The following ZNF155 variants were observed in gnomAD, a reference collection of about 807,000 sequenced individuals.
ZNF155 encodes KRAB A domain.
Under a neutral mutation model 11.9 loss-of-function variants are expected in ZNF155, and 15 were observed. The observed-to-expected ratio is 1.26, with a 90% CI of 0.84 to 1.94. ZNF155 has a LOEUF of 1.94. ZNF155 is among the 30% of genes most tolerant of loss of function. The pLI is 0.00. For synonymous variants in ZNF155, 212 were observed against 219.9 expected (o/e 0.96, Z 0.32); for missense variants, 602 against 639.1 (o/e 0.94, Z 0.63).
chr19:43,991,224 G>A (rs1975649401), intron 2 of ZNF155, among the ~76,000 whole-genome samples: 1 of 152,136 alleles, frequency 6.6e-6, no homozygotes, highest in South Asian at 2.1e-4. Context: ...ATGTTGCTGG[G>A]GCAGTTGGCA....
chr19:43,991,441 C>G (rs1975660870), intron 2 of ZNF155, 107 bp from the exon 3 acceptor site: 1 of 1,564,596 alleles, frequency 6.4e-7, no homozygotes, highest in Non-Finnish European at 8.7e-7. Context: ...CTACATCCCT[C>G]AATACTGAGA....
intron 1 of ZNF155, among the ~76,000 whole-genome samples, chr19:43,985,728 G>C (rs1229347385): frequency 1.3e-5 from 2 of 151,968 alleles, no homozygotes; most frequent in Non-Finnish European, 2.9e-5. Context: ...TTTTAGTAAA[G>C]ATGGGGTTTC....
chr19:43,991,037 A>T (rs1975640179), intron 2 of ZNF155, among the ~76,000 whole-genome samples: 1 of 152,212 alleles, frequency 6.6e-6, no homozygotes, highest in South Asian at 2.1e-4. Flanking sequence ...CATTGCTAGC[A>T]TGTTCTATGT....
chr19:43,996,300 C>G lies in ZNF155; in HGVS notation c.443C>G (p.Ser148Cys). The change falls in exon 5 of 5, where the codon TCC becomes TGC. Residue 148 changes from serine (S) to cysteine (C), a missense_variant. Transcript: ENST00000270014. ...LPTIHTGQKP[S>C]QGGKCKQSIS... is the part of the protein sequence containing the mutation. ...ACAATTCATACAGGACAGAAACCTTCCCAGGGTGGGAAGTGTAAACAGTCC... is the reference window on the plus strand; with the variant it reads ...ACAATTCATACAGGACAGAAACCTTGCCAGGGTGGGAAGTGTAAACAGTCC... The G allele has an allele frequency of 6.2e-7, 1 of 1,614,154 alleles. No individual in the cohort carries two copies. The highest frequency in any genetic ancestry group is 8.5e-7 in the Non-Finnish European group (1 of 1,179,990).
intron 2 of ZNF155, among the ~76,000 whole-genome samples, chr19:43,989,353 T>C (rs1319266459): frequency 6.6e-6 from 1 of 152,232 alleles, no homozygotes; most frequent in Non-Finnish European, 1.5e-5. Flanking sequence ...TCATTTAAAA[T>C]GTCCAGTGAT....
At chr19:43,986,450 T>TTG (rs1975447997) in intron 1 of ZNF155, among the ~76,000 whole-genome samples, 1 of 43,666 alleles carries the variant, frequency 2.3e-5, no homozygotes, top group African/African-American at 6.4e-5. Context: ...CCCATTTGTG[T>TTG]TTTTTTTTTT....
At chr19:43,988,247 T>C (rs1975530117) in intron 1 of ZNF155, among the ~76,000 whole-genome samples, 1 of 152,212 alleles carries the variant, frequency 6.6e-6, no homozygotes, top group Non-Finnish European at 1.5e-5. Context: ...GGTTTTGTGA[T>C]TGGCTTCTTT....
intron 1 of ZNF155, among the ~76,000 whole-genome samples, chr19:43,984,929 C>G (rs1445197154): frequency 6.6e-6 from 1 of 152,212 alleles, no homozygotes; most frequent in East Asian, 1.9e-4. Context: ...ACAGCTTTCT[C>G]CTTCCCCAGC....
chr19:43,987,621 C>G (rs1482347477), intron 1 of ZNF155, among the ~76,000 whole-genome samples: 1 of 152,116 alleles, frequency 6.6e-6, no homozygotes, highest in East Asian at 1.9e-4. Context: ...AAGATGATGT[C>G]TTTCAGATTT....
intron 1 of ZNF155, among the ~76,000 whole-genome samples, chr19:43,985,217 T>G (rs1975394410): frequency 6.6e-6 from 1 of 151,724 alleles, no homozygotes; most frequent in Admixed American, 6.6e-5. Context: ...TGCGTCACCA[T>G]GCCCGGCTAA....
intron 4 of ZNF155, among the ~76,000 whole-genome samples, chr19:43,994,854 ACT>A (rs1479047901): frequency 6.6e-6 from 1 of 152,092 alleles, no homozygotes; most frequent in Non-Finnish European, 1.5e-5. Context: ...TAGTCCACTA[ACT>A]CTCTGTGACC....
At position 43,991,685 on chromosome 19, in the gene ZNF155, G is replaced by A. The variant is rs1432990325; in HGVS notation, c.142+11G>A. 1.2e-6 allele frequency: 2 copies of A among 1,613,982 alleles called. No individual in the cohort carries two copies. The highest frequency in any genetic ancestry group is 1.1e-5 in the South Asian group (1 of 91,060). On this transcript the variant is annotated intron_variant, in intron 3 of 4. Transcript: ENST00000270014. ...ACCTGCTCTCAGTGGGTGAGCACGG[G>A]CATCTTTTGTGTCTGAACATCAGGC...
chr19:43,996,599 A>G lies in ZNF155; in HGVS notation c.742A>G (p.Asn248Asp). ...AGGTTTCAGTCGTAGATCAGCACTT[A>G]ATGTTCATCGTAAATTACACACAGG... ...GKGFSRRSAL[N>D]VHRKLHTGEK... is the part of the protein sequence containing the mutation. Residue 248 changes from asparagine to aspartate, a missense_variant, in exon 5 of 5, where the codon AAT becomes GAT. Physicochemically the swap from Asn to Asp is conservative, Grantham distance 23. Transcript: ENST00000270014. The G allele has an allele frequency of 6.2e-7, 1 of 1,612,978 alleles. No individual in the cohort carries two copies. Among genetic ancestry groups the G allele is most frequent in the Non-Finnish European group, 8.5e-7 (1 of 1,179,150 alleles).
chr19:43,989,911 TA>T, intron 2 of ZNF155: 2 of 602,090 alleles, frequency 3.3e-6, no homozygotes, highest in Non-Finnish European at 5.2e-6. Context: ...CAAAGGACAC[TA>T]AAAGGCCAAT....
intron 1 of ZNF155, among the ~76,000 whole-genome samples, chr19:43,985,865 G>A (rs1436925443): frequency 6.6e-6 from 1 of 152,168 alleles, no homozygotes; most frequent in Non-Finnish European, 1.5e-5. Flanking sequence ...AAATATGGGA[G>A]TGAGACACCT....
chr19:43,996,043 C>T (rs548079728), intron 4 of ZNF155, 50 bp from the exon 5 acceptor site: 2 of 1,518,560 alleles, frequency 1.3e-6, no homozygotes, highest in South Asian at 1.3e-5. Flanking sequence ...CTTGAGATCA[C>T]TGAATAAAGG....
Position 43,996,528 on chromosome 19 carries a change from G to A in ZNF155, c.671G>A (p.Arg224Lys), listed in dbSNP as rs139200600. Residue 224 changes from arginine (R) to lysine (K), a missense_variant, in exon 5 of 5, where the codon AGA becomes AAA. Physicochemically the swap from Arg to Lys is conservative, Grantham distance 26 (BLOSUM62 2). Coordinates refer to ENST00000270014, the MANE Select transcript of ZNF155 (RefSeq NM_198089.3). Reference sequence around the variant, plus strand: ...AGCTCACATCTGCAAACTCATCAGAGAGTCCACACTGGAGAGAAACCATTC... The same window carrying A: ...AGCTCACATCTGCAAACTCATCAGAAAGTCCACACTGGAGAGAAACCATTC... ...SQSSHLQTHQ[R>K]VHTGEKPFKC... The A allele has an allele frequency of 1.8e-4, 291 of 1,614,066 alleles. No individual in the cohort carries two copies. The highest frequency in any genetic ancestry group is 6.0e-4 in the Admixed American group (36 of 60,002).
intron 3 of ZNF155, 64 bp from the exon 4 acceptor site, chr19:43,991,778 A>G (rs1975674769): frequency 6.2e-7 from 1 of 1,605,356 alleles, no homozygotes; most frequent in Non-Finnish European, 8.5e-7. Flanking sequence ...AATAGCCAGT[A>G]AATTTTGCCT....
rs2147388300 is a variant in ZNF155, at chr19:43,991,954, G to A, written c.235+20G>A. On this transcript the variant is annotated intron_variant, in intron 4 of 4. Coordinates refer to ENST00000270014, the MANE Select transcript of ZNF155 (RefSeq NM_198089.3). ...ATTCAGGTAAGAACTAAGCATCTGT[G>A]TGTCCTTGTACCTGACTCTCCCACC... The A allele has an allele frequency of 1.2e-6, 2 of 1,605,566 alleles. No individual in the cohort carries two copies. The highest frequency in any genetic ancestry group is 1.7e-5 in the Admixed American group (1 of 59,586).
Sources: gnomAD v4.1 joint callset for allele counts (sites outside exome capture counted in the v4.1 genomes callset) on GRCh38, gnomAD v4.1.1 for gene constraint, MANE v1.5 for transcripts, NCBI Gene and HGNC (gene_info 2026-07-23, HGNC 2026-07-21) for gene names.